TRPC4: variants seen among roughly 807,000 people sequenced by gnomAD.
The protein encoded by TRPC4 is short transient receptor potential channel 4.
In TRPC4, 49 loss-of-function variants were observed where a neutral mutation model predicts 99.4. The observed-to-expected ratio is 0.49, with a 90% CI of 0.39 to 0.63. The LOEUF (loss-of-function observed/expected upper bound fraction) is 0.63. Ranked by LOEUF, TRPC4 falls within the 20% of genes least tolerant of loss-of-function variation. The probability of loss-of-function intolerance (pLI) is 0.00; values close to 1 mark genes in which losing one functional copy is unlikely to be tolerated. For missense variants in TRPC4, 898 were observed against 1,152.9 expected (o/e 0.78, Z 3.20); for synonymous variants, 454 against 425.9 (o/e 1.07, Z -0.81).
At chr13:37,671,043 C>T (rs527460171) in intron 5 of TRPC4, among the ~76,000 whole-genome samples, 15 of 152,136 alleles carry the variant, frequency 9.9e-5, no homozygotes, top group Middle Eastern at 3.4e-3. Flanking sequence ...TCTACCTGAC[C>T]GTGACCCACT....
At chr13:37,811,521 G>A (rs73460375) in intron 1 of TRPC4, among the ~76,000 whole-genome samples, 5,660 of 152,136 alleles carry the variant, frequency 0.037, 368 homozygotes, top group African/African-American at 0.13. Context: ...AAGAATCTGG[G>A]GAGAGGCAAC....
In TRPC4 at chr13:37,650,631, A is replaced by ACACACACACACG. The variant is rs1952016327; in HGVS notation, c.2079+633_2079+634insCGTGTGTGTGTG. Among the ~76,000 whole-genome samples, 7 of 151,164 alleles carry ACACACACACACG rather than the reference A, an allele frequency of 4.6e-5. No homozygotes were observed. In the South Asian group the frequency reaches 1.5e-3, roughly 32 times the overall value. On this transcript the variant is annotated intron_variant, in intron 8 of 10. Transcript: ENST00000379705. ...TCTCTATACACACACACACACACACACACATATATATATATTTAGATGCCT... is the reference window on the plus strand; with the variant it reads ...TCTCTATACACACACACACACACACACACACACACACGCACATATATATATATTTAGATGCCT...
At chr13:37,789,685 CTTT>C (rs59029228) in intron 1 of TRPC4, among the ~76,000 whole-genome samples, 1 of 146,492 alleles carries the variant, frequency 6.8e-6, no homozygotes. Flanking sequence ...TACTTTATTT[CTTT>C]TTTTTTTTTG....
intron 2 of TRPC4, among the ~76,000 whole-genome samples, chr13:37,753,575 A>AAGAGAGAGAGAGAGAGAGAGAGAG (rs61394712): frequency 5.8e-5 from 8 of 137,238 alleles, no homozygotes; most frequent in Non-Finnish European, 9.2e-5. Flanking sequence ...GAGAGAGAGA[A>AAGAGAGAGAGAGAGAGAGAGAGAG]AGAGAGAGAG....
chr13:37,794,694 C>G (rs1566176435), intron 1 of TRPC4, among the ~76,000 whole-genome samples: 1 of 152,126 alleles, frequency 6.6e-6, no homozygotes, highest in African/African-American at 2.4e-5. Flanking sequence ...CTTTGTCACT[C>G]TTTTACTTTT....
intron 1 of TRPC4, among the ~76,000 whole-genome samples, chr13:37,857,572 TAAAC>T (rs1959184300): frequency 6.6e-6 from 1 of 151,556 alleles, no homozygotes; most frequent in Non-Finnish European, 1.5e-5. Context: ...AACAGACACT[TAAAC>T]AAATGGAATA....
chr13:37,745,464 A>ACG (rs1955728874), intron 3 of TRPC4, among the ~76,000 whole-genome samples: 11 of 3,212 alleles, frequency 3.4e-3, no homozygotes, highest in Admixed American at 6.9e-3. Context: ...ATATATATAT[A>ACG]TATATATATA....
chr13:37,651,192 T>C, intron 8 of TRPC4, 73 bp downstream of exon 8: 1 of 1,555,122 alleles, frequency 6.4e-7, no homozygotes, highest in Non-Finnish European at 8.8e-7. Flanking sequence ...CCTGAACATG[T>C]ACAATAAAGA....
intron 2 of TRPC4, among the ~76,000 whole-genome samples, chr13:37,766,257 A>G (rs1427465416): frequency 6.6e-6 from 1 of 151,438 alleles, no homozygotes; most frequent in Non-Finnish European, 1.5e-5. Context: ...GAAAGTAGGA[A>G]AGATTTACAT....
intron 1 of TRPC4, among the ~76,000 whole-genome samples, chr13:37,811,385 C>CA (rs1309926040): frequency 3.9e-5 from 6 of 152,074 alleles, no homozygotes; most frequent in Non-Finnish European, 7.4e-5. Context: ...TGATCCTGAG[C>CA]AACAGAGGGA....
rs547540665 is a variant in TRPC4, at chr13:37,644,242, T to C, written c.2080-4943A>G. 8.5e-5 allele frequency among the ~76,000 whole-genome samples: 13 copies of C among 152,272 alleles called. No individual in the cohort carries two copies. The South Asian group carries it at 2.7e-3, about 32-fold the overall frequency. On this transcript the variant is annotated intron_variant, in intron 8 of 10. Transcript: ENST00000379705. Reference sequence around the variant, plus strand: ...TCAGCTGAACTTCAAAGGGATTTGTTACCTTAAGAGAAGATATCTTTTTCT... The same window carrying C: ...TCAGCTGAACTTCAAAGGGATTTGTCACCTTAAGAGAAGATATCTTTTTCT...
At chr13:37,848,874 A>G (rs1566221579) in intron 1 of TRPC4, among the ~76,000 whole-genome samples, 1 of 152,246 alleles carries the variant, frequency 6.6e-6, no homozygotes, top group African/African-American at 2.4e-5. Context: ...TCTATGAAGT[A>G]GAAATGAGGT....
intron 1 of TRPC4, among the ~76,000 whole-genome samples, chr13:37,787,741 T>C (rs1425084175): frequency 6.6e-6 from 1 of 152,030 alleles, no homozygotes; most frequent in African/African-American, 2.4e-5. Context: ...ATTACATTAC[T>C]CAACAACAAC....
Position 37,745,918 on chromosome 13 carries a change from C to A in TRPC4, c.897+19G>T, listed in dbSNP as rs1392316192. 6.3e-7 allele frequency: 1 copy of A among 1,595,448 alleles called. No homozygotes were observed. ...TAAACTCTATGGCATTTTGATGGAT[C>A]AAGTCTGGCAACACTCACCTCTTTT... On this transcript the variant is annotated intron_variant, in intron 3 of 10. Transcript: ENST00000379705.
At chr13:37,869,289 G>A (rs539033342) in intron 1 of TRPC4, among the ~76,000 whole-genome samples, 1 of 152,126 alleles carries the variant, frequency 6.6e-6, no homozygotes, top group East Asian at 1.9e-4. Flanking sequence ...TACCATATAA[G>A]TCACACCGGG....
At chr13:37,819,828 T>A (rs1442922639) in intron 1 of TRPC4, among the ~76,000 whole-genome samples, 41 of 147,226 alleles carry the variant, frequency 2.8e-4, no homozygotes, top group African/African-American at 1.0e-3. Flanking sequence ...AAAATGAAAG[T>A]TAAAAAAAAA....
chr13:37,656,038 G>A (rs1054785239), intron 6 of TRPC4, among the ~76,000 whole-genome samples: 37 of 152,192 alleles, frequency 2.4e-4, no homozygotes, highest in African/African-American at 8.2e-4. Flanking sequence ...GAATGCTTAC[G>A]TAATAAAATT....
intron 1 of TRPC4, among the ~76,000 whole-genome samples, chr13:37,831,806 T>C (rs1018974809): frequency 6.6e-6 from 1 of 152,116 alleles, no homozygotes; most frequent in Non-Finnish European, 1.5e-5. Context: ...ACTTGCATGA[T>C]CTGACTTATA....
intron 3 of TRPC4, among the ~76,000 whole-genome samples, chr13:37,719,744 T>C (rs1954802467): frequency 6.6e-6 from 1 of 151,994 alleles, no homozygotes; most frequent in Non-Finnish European, 1.5e-5. Flanking sequence ...AAGTAGATTG[T>C]GAAAAATTGA....
Sources: allele counts gnomAD v4.1 joint callset (sites outside exome capture counted in the v4.1 genomes callset), GRCh38; gene constraint gnomAD v4.1.1; transcripts MANE v1.5; gene names NCBI Gene and HGNC (gene_info 2026-07-23, HGNC 2026-07-21).